Variants in FREM1 observed in about 807,000 individuals in gnomAD.
FREM1 encodes the protein FRAS1 related extracellular matrix 1, also known as FRAS1-related extracellular matrix protein 1.
A neutral mutation model predicts 210.1 loss-of-function variants in FREM1; 220 were observed. The observed-to-expected ratio is 1.05, with a 90% CI of 0.94 to 1.17. The LOEUF is 1.17. FREM1 is among the 50% of genes most tolerant of loss of function. The pLI is 0.00. For missense variants in FREM1, 3,454 were observed against 2,675.5 expected (o/e 1.29, Z -6.42); for synonymous variants, 1,189 against 980.2 (o/e 1.21, Z -3.98).
intron 10 of FREM1, among the ~76,000 whole-genome samples, chr9:14,832,024 T>TC (rs1823659480): frequency 1.3e-5 from 2 of 152,226 alleles, no homozygotes; most frequent in Non-Finnish European, 2.9e-5. Flanking sequence ...TCACTTCTCT[T>TC]TCTAGATGGG....
chr9:14,881,869 G>C (rs539407002), intron 1 of FREM1, among the ~76,000 whole-genome samples: 1 of 152,310 alleles, frequency 6.6e-6, no homozygotes, highest in African/African-American at 2.4e-5. Context: ...TTAAGAGGTA[G>C]TTACGGTGTG....
intron 30 of FREM1, among the ~76,000 whole-genome samples, chr9:14,749,404 A>G (rs2132041691): frequency 6.6e-6 from 1 of 151,920 alleles, no homozygotes; most frequent in African/African-American, 2.4e-5. Flanking sequence ...AGAGAAGGGA[A>G]TAGATTCCAG....
chr9:14,775,635 G>T (rs796655248), intron 25 of FREM1, among the ~76,000 whole-genome samples, 154 bp downstream of exon 25: 7 of 149,614 alleles, frequency 4.7e-5, no homozygotes, highest in African/African-American at 1.7e-4. Flanking sequence ...TTGAGCCCAG[G>T]AGGTGGAGAT....
chr9:14,815,544 G>A (rs577741306), intron 15 of FREM1, among the ~76,000 whole-genome samples: 1 of 152,238 alleles, frequency 6.6e-6, no homozygotes, highest in South Asian at 2.1e-4. Flanking sequence ...ACCTTCTTTT[G>A]TTACCAACTA....
chr9:14,864,853 C>T (rs749723823), intron 2 of FREM1, among the ~76,000 whole-genome samples: 5 of 152,154 alleles, frequency 3.3e-5, no homozygotes, highest in Non-Finnish European at 7.4e-5. Flanking sequence ...TTTCTTTTCC[C>T]GCAGATATCA....
intron 19 of FREM1, among the ~76,000 whole-genome samples, chr9:14,803,155 C>T (rs1428912756): frequency 7.5e-6 from 1 of 133,032 alleles, no homozygotes; most frequent in East Asian, 2.5e-4. Flanking sequence ...CCCCTTCCTT[C>T]CTTCATCTTT....
At chr9:14,858,346 A>C (rs1829173655) in intron 4 of FREM1, among the ~76,000 whole-genome samples, 1 of 152,078 alleles carries the variant, frequency 6.6e-6, no homozygotes, top group South Asian at 2.1e-4. Context: ...TTAGTATATA[A>C]TACTCATAAG....
chr9:14,776,335 G>A (rs1848571690), intron 24 of FREM1, 132 bp from the exon 25 acceptor site: 1 of 1,029,822 alleles, frequency 9.7e-7, no homozygotes, highest in East Asian at 2.7e-5. Flanking sequence ...ATCAAGGGCA[G>A]ATCTTGCAGA....
intron 1 of FREM1, among the ~76,000 whole-genome samples, chr9:14,875,747 C>T (rs1475551671): frequency 4.6e-5 from 7 of 152,094 alleles, no homozygotes; most frequent in South Asian, 4.1e-4. Flanking sequence ...GGAGGAGAGG[C>T]GCTCTGCTTT....
intron 35 of FREM1, among the ~76,000 whole-genome samples, chr9:14,745,210 C>T (rs1418424350): frequency 6.6e-6 from 1 of 152,132 alleles, no homozygotes; most frequent in Non-Finnish European, 1.5e-5. Context: ...CAACAAACCC[C>T]ATGACATACC....
chr9:14,832,516 C>T (rs371893118), intron 10 of FREM1, among the ~76,000 whole-genome samples: 31 of 152,194 alleles, frequency 2.0e-4, no homozygotes, highest in African/African-American at 7.5e-4. Context: ...GGAAGAGAGG[C>T]AATACCTCTT....
At chr9:14,902,253 G>C (rs59474755) in intron 1 of FREM1, among the ~76,000 whole-genome samples, 1,995 of 152,244 alleles carry the variant, frequency 0.013, 45 homozygotes, top group African/African-American at 0.046. Context: ...ATTCAGACTT[G>C]ATGCCTCTGA....
intron 26 of FREM1, among the ~76,000 whole-genome samples, chr9:14,770,271 T>A (rs1847295417): frequency 6.6e-6 from 1 of 152,048 alleles, no homozygotes; most frequent in Admixed American, 6.6e-5. Context: ...TCATTTAGAG[T>A]CATTTAGAAT....
upstream of FREM1, chr9:14,910,447 C>G (rs1818530972): frequency 6.6e-6 from 1 of 152,630 alleles, no homozygotes; most frequent in Admixed American, 6.5e-5. Flanking sequence ...CGCCACTCGC[C>G]GAGCCAGAGC....
intron 16 of FREM1, among the ~76,000 whole-genome samples, chr9:14,810,691 A>C (rs1819243001): frequency 6.6e-6 from 1 of 152,200 alleles, no homozygotes; most frequent in African/African-American, 2.4e-5. Flanking sequence ...CTAACATTTA[A>C]TATATATTTT....
chr9:14,760,313 G>C (rs1845260773), intron 27 of FREM1, among the ~76,000 whole-genome samples: 1 of 152,138 alleles, frequency 6.6e-6, no homozygotes, highest in African/African-American at 2.4e-5. Flanking sequence ...ATTTAGATAA[G>C]GATAATTGGT....
chr9:14,742,031 C>A (rs370512577), intron 35 of FREM1, among the ~76,000 whole-genome samples: 1 of 151,976 alleles, frequency 6.6e-6, no homozygotes, highest in Non-Finnish European at 1.5e-5. Flanking sequence ...CATAGTTATT[C>A]GCAAAAGAAA....
At chr9:14,816,966 T>A (rs1197596378) in intron 14 of FREM1, 95 bp from the exon 15 acceptor site, 1 of 417,554 alleles carries the variant, frequency 2.4e-6, no homozygotes, top group African/African-American at 2.0e-5. Flanking sequence ...TTTGGCCATG[T>A]GTTCACTAAA....
intron 8 of FREM1, 63 bp from the exon 9 acceptor site, chr9:14,842,723 G>T: frequency 8.2e-7 from 1 of 1,214,456 alleles, no homozygotes; most frequent in Non-Finnish European, 1.2e-6. Flanking sequence ...CAGCTGTGGG[G>T]AAAGCATCAA....
Sources: gnomAD v4.1 joint callset for allele counts (sites outside exome capture counted in the v4.1 genomes callset) on GRCh38, gnomAD v4.1.1 for gene constraint, MANE v1.5 for transcripts, NCBI Gene and HGNC (gene_info 2026-07-23, HGNC 2026-07-21) for gene names.